The following TLK1 variants were observed in gnomAD, a reference collection of about 807,000 sequenced individuals.
TLK1 encodes serine/threonine-protein kinase tousled-like 1.
Under a neutral mutation model 105.3 loss-of-function variants are expected in TLK1, and 24 were observed. The observed-to-expected ratio is 0.23, with a 90% CI of 0.17 to 0.32. The LOEUF (loss-of-function observed/expected upper bound fraction) is 0.32. Ranked by LOEUF, TLK1 falls within the 10% of genes least tolerant of loss-of-function variation. The probability of loss-of-function intolerance (pLI) is 1.00; values close to 1 mark genes in which losing one functional copy is unlikely to be tolerated. For synonymous variants in TLK1, 321 were observed against 310.4 expected (o/e 1.03, Z -0.36); for missense variants, 558 against 910.5 (o/e 0.61, Z 4.98).
intron 11 of TLK1, among the ~76,000 whole-genome samples, chr2:171,031,088 G>T (rs921568985): frequency 6.6e-6 from 1 of 151,480 alleles, no homozygotes; most frequent in Non-Finnish European, 1.5e-5. Context: ...TATAATTTTG[G>T]GATTCACAAA....
chr2:171,149,861 C>G (rs1045548806), intron 1 of TLK1, among the ~76,000 whole-genome samples: 2 of 152,066 alleles, frequency 1.3e-5, no homozygotes, highest in African/African-American at 4.8e-5. Flanking sequence ...GAGCCGTGAT[C>G]ATGTCACTGT....
intron 1 of TLK1, among the ~76,000 whole-genome samples, chr2:171,225,155 A>C (rs146210213): frequency 6.6e-6 from 1 of 151,948 alleles, no homozygotes; most frequent in African/African-American, 2.4e-5. Flanking sequence ...TCACAATTAA[A>C]AACTTTTCTG....
chr2:170,997,450 T>C (rs955962807), intron 19 of TLK1, among the ~76,000 whole-genome samples: 1 of 152,114 alleles, frequency 6.6e-6, no homozygotes, highest in African/African-American at 2.4e-5. Flanking sequence ...GTATTCCCAA[T>C]AGCAGACAAA....
intron 18 of TLK1, 67 bp downstream of exon 18, chr2:171,006,079 AC>A: frequency 7.1e-7 from 1 of 1,405,934 alleles, no homozygotes; most frequent in Non-Finnish European, 9.4e-7. Flanking sequence ...AAAAAAAAAA[AC>A]ACTAAATTAT....
At chr2:171,128,511 T>C (rs914568790) in intron 1 of TLK1, among the ~76,000 whole-genome samples, 5 of 152,222 alleles carry the variant, frequency 3.3e-5, no homozygotes, top group African/African-American at 4.8e-5. Context: ...ATATGTATGC[T>C]AAAATATAAG....
At chr2:171,082,030 T>TATACAC (rs1688777030) in intron 3 of TLK1, among the ~76,000 whole-genome samples, 1 of 146,624 alleles carries the variant, frequency 6.8e-6, no homozygotes, top group Non-Finnish European at 1.5e-5. Flanking sequence ...ACGGGAAAAA[T>TATACAC]ACACACACAC....
chr2:171,088,958 C>T lies in TLK1; in HGVS notation c.259-6106G>A, dbSNP rs571797087. 3.9e-5 allele frequency among the ~76,000 whole-genome samples: 6 copies of T among 152,348 alleles called. No homozygotes were observed. The East Asian group carries it at 1.2e-3, about 29-fold the overall frequency. On this transcript the variant is annotated intron_variant, in intron 2 of 20. Coordinates refer to ENST00000431350, the MANE Select transcript of TLK1 (RefSeq NM_012290.5). ...CCCTGATCCTATGATGATCTTGGCTCACTGCAAACTCCACTTTCCGGGCTC... is the reference window on the plus strand; with the variant it reads ...CCCTGATCCTATGATGATCTTGGCTTACTGCAAACTCCACTTTCCGGGCTC...
At chr2:171,216,775 A>G (rs1276967833) in intron 1 of TLK1, among the ~76,000 whole-genome samples, 2 of 152,204 alleles carry the variant, frequency 1.3e-5, no homozygotes, top group African/African-American at 4.8e-5. Flanking sequence ...ATGTAAAGAC[A>G]AAGATACACA....
At chr2:171,002,394 G>C (rs1684422473) in intron 18 of TLK1, among the ~76,000 whole-genome samples, 1 of 151,950 alleles carries the variant, frequency 6.6e-6, no homozygotes, top group South Asian at 2.1e-4. Flanking sequence ...GAGTAGCTAG[G>C]ACTACGAGCA....
intron 3 of TLK1, among the ~76,000 whole-genome samples, chr2:171,061,547 A>G (rs1575563627): frequency 6.6e-6 from 1 of 152,312 alleles, no homozygotes; most frequent in South Asian, 2.1e-4. Context: ...ACTCAAACAT[A>G]CTTAGTGTAT....
rs192985111 is a variant in TLK1 at position 171,038,273 on chromosome 2, C to T, written c.1169+7901G>A. On this transcript the variant is annotated intron_variant, in intron 11 of 20. Coordinates refer to ENST00000431350, the MANE Select transcript of TLK1 (RefSeq NM_012290.5). ...TTTTTCCCCTACAAAAATTTTAACG[C>T]GATTTTTAAAAAACTAGTTTATTCT... Among the ~76,000 whole-genome samples the T allele has an allele frequency of 4.2e-3, 639 of 151,936 alleles. 6 individuals are homozygous for T. The highest frequency in any genetic ancestry group is 0.014 in the African/African-American group (572 of 41,474).
intron 6 of TLK1, among the ~76,000 whole-genome samples, chr2:171,056,017 T>C (rs1263756212): frequency 2.0e-5 from 3 of 152,028 alleles, no homozygotes; most frequent in African/African-American, 7.2e-5. Flanking sequence ...AAGTTTAAGA[T>C]AATTTTAAGT....
chr2:171,178,661 T>C (rs1031833823), intron 1 of TLK1, among the ~76,000 whole-genome samples: 1 of 152,208 alleles, frequency 6.6e-6, no homozygotes, highest in Non-Finnish European at 1.5e-5. Flanking sequence ...TCAGTCAGCT[T>C]TATAAGGAAA....
Position 171,171,015 on chromosome 2 carries a change from A to G in TLK1, c.-5-53158T>C, listed in dbSNP as rs58970959. 9.1e-3 allele frequency among the ~76,000 whole-genome samples: 1,389 copies of G among 152,336 alleles called. 19 individuals carry two copies. Among genetic ancestry groups the G allele is most frequent in the African/African-American group, 0.03 (1,266 of 41,568 alleles). On this transcript the variant is annotated intron_variant, in intron 1 of 20. Coordinates refer to the TLK1 transcript ENST00000521943. ...ACACCAAACACAAAAATATATTCCA[A>G]ATGAATTGTAGCTGTAAATATGAAA...
In TLK1 at chr2:171,117,878, A is replaced by G. The variant is rs191154880; in HGVS notation, c.140-21T>C. ...TGCACCTATTAAGAAAAAAAAATAT[A>G]TATGTACACATATATATGTGTGTAT... On this transcript the variant is annotated intron_variant, in intron 1 of 20. Coordinates refer to ENST00000431350, the MANE Select transcript of TLK1 (RefSeq NM_012290.5). 1,364 of 1,487,644 alleles carry G rather than the reference A, an allele frequency of 9.2e-4. 13 individuals are homozygous for G. The African/African-American group carries it at 0.015, about 17-fold the overall frequency. The allele number at this position is 1,487,644 out of a possible 1,614,324, so 92.2% of individuals were successfully genotyped here.
At chr2:171,117,150 G>C (rs1006108577) in intron 2 of TLK1, among the ~76,000 whole-genome samples, 1 of 152,170 alleles carries the variant, frequency 6.6e-6, no homozygotes, top group Non-Finnish European at 1.5e-5. Context: ...GTTTAGAGAT[G>C]AAACTGTTCT....
At chr2:171,094,418 A>G (rs1225269964) in intron 2 of TLK1, among the ~76,000 whole-genome samples, 1 of 152,154 alleles carries the variant, frequency 6.6e-6, no homozygotes, top group Non-Finnish European at 1.5e-5. Context: ...CAAATATTAA[A>G]AAGAAAACTT....
intron 1 of TLK1, among the ~76,000 whole-genome samples, chr2:171,168,803 G>C (rs578228926): frequency 6.6e-6 from 1 of 152,280 alleles, no homozygotes; most frequent in South Asian, 2.1e-4. Flanking sequence ...TGTGTGCTCA[G>C]GGTGCAGTGG....
At chr2:171,148,891 ATATATAT>A (rs762849087) in intron 1 of TLK1, among the ~76,000 whole-genome samples, 1 of 120,586 alleles carries the variant, frequency 8.3e-6, no homozygotes, top group Non-Finnish European at 1.7e-5. Context: ...AAAAAAAAAA[ATATATAT>A]ATATATATAT....
Sources: allele counts gnomAD v4.1 joint callset (sites outside exome capture counted in the v4.1 genomes callset), GRCh38; gene constraint gnomAD v4.1.1; transcripts MANE v1.5; gene names NCBI Gene and HGNC (gene_info 2026-07-23, HGNC 2026-07-21).